Variants in KCNJ1 observed in about 807,000 individuals in gnomAD.
KCNJ1 encodes ATP-sensitive inward rectifier potassium channel 1.
A neutral mutation model predicts 21.9 loss-of-function variants in KCNJ1; 24 were observed. The observed-to-expected ratio is 1.10, with a 90% CI of 0.79 to 1.54. KCNJ1 has a LOEUF of 1.54. KCNJ1 is among the 40% of genes most tolerant of loss of function. The pLI is 0.00. For synonymous variants in KCNJ1, 152 were observed against 160.9 expected (o/e 0.94, Z 0.42); for missense variants, 457 against 455.4 (o/e 1.00, Z -0.03).
intron 1 of KCNJ1, among the ~76,000 whole-genome samples, chr11:128,864,012 TAACTTAAGGTTTGACCTTAAGG>T (rs1204777413): frequency 1.3e-5 from 2 of 151,564 alleles, no homozygotes; most frequent in Non-Finnish European, 2.9e-5. Flanking sequence ...GACCTTAAGG[TAACTTAAGGTTTGACCTTAAGG>T]TTTATTACTG....
rs932116771 is a variant in KCNJ1 at position 128,840,223 on chromosome 11, T to A, written c.21A>T (p.Lys7Asn). The A allele has an allele frequency of 6.2e-7, 1 of 1,614,154 alleles. No homozygotes were observed. Among genetic ancestry groups the A allele is most frequent in the Non-Finnish European group, 8.5e-7 (1 of 1,180,012 alleles). The change falls in exon 3 of 3, where the codon AAA becomes AAT. Residue 7 changes from lysine (K) to asparagine (N), a missense_variant. Transcript: ENST00000392666. ...GCCCAAAAAAGCGAGTGACGACCCATTTCCGAAGATGTTTGAACATACTTT... is the reference window on the plus strand; with the variant it reads ...GCCCAAAAAAGCGAGTGACGACCCAATTCCGAAGATGTTTGAACATACTTT... MFKHLRKWVVTRFFGHS... is the reference protein window; with the variant it reads MFKHLRNWVVTRFFGHS...
intron 1 of KCNJ1, among the ~76,000 whole-genome samples, chr11:128,859,391 C>A (rs1177609470): frequency 6.6e-6 from 1 of 152,098 alleles, no homozygotes; most frequent in Non-Finnish European, 1.5e-5. Context: ...GTAGCTGGGA[C>A]CACAGGCAAG....
chr11:128,859,287 C>A (rs952796209), intron 1 of KCNJ1, among the ~76,000 whole-genome samples: 24 of 152,330 alleles, frequency 1.6e-4, no homozygotes, highest in Middle Eastern at 3.4e-3. Context: ...CAGGGTCTTG[C>A]TCTGTTGCCC....
intron 2 of KCNJ1, chr11:128,842,244 G>A (rs976715499): frequency 1.6e-5 from 16 of 1,031,356 alleles, no homozygotes; most frequent in African/African-American, 4.8e-5. Flanking sequence ...ACTTTTAAAG[G>A]TAAAGAAGAT....
At chr11:128,865,372 A>C (rs1943799179) in intron 1 of KCNJ1, among the ~76,000 whole-genome samples, 1 of 152,142 alleles carries the variant, frequency 6.6e-6, no homozygotes, top group African/African-American at 2.4e-5. Context: ...TGCCCTCTAG[A>C]GCAAAGCATT....
At chr11:128,846,510 T>G (rs1410069642) in intron 2 of KCNJ1, among the ~76,000 whole-genome samples, 1 of 152,154 alleles carries the variant, frequency 6.6e-6, no homozygotes, top group Non-Finnish European at 1.5e-5. Context: ...GTGAGAGTGA[T>G]GAAGGTTCTG....
intron 1 of KCNJ1, among the ~76,000 whole-genome samples, chr11:128,851,922 C>T (rs913244474): frequency 2.6e-5 from 4 of 152,206 alleles, no homozygotes; most frequent in South Asian, 2.1e-4. Flanking sequence ...CAGAGCACCA[C>T]GTGCTTGGGT....
chr11:128,848,302 A>C (rs1943419675), intron 2 of KCNJ1, among the ~76,000 whole-genome samples: 1 of 150,800 alleles, frequency 6.6e-6, no homozygotes, highest in Admixed American at 6.6e-5. Flanking sequence ...AAAAAAAAAA[A>C]AAAAAAAAGT....
intron 1 of KCNJ1, among the ~76,000 whole-genome samples, chr11:128,861,391 C>T (rs1446968475): frequency 2.0e-5 from 3 of 152,154 alleles, no homozygotes; most frequent in Non-Finnish European, 4.4e-5. Flanking sequence ...ACATTTAGAA[C>T]AGAAAGAGAA....
chr11:128,865,038 G>A (rs1258970676), intron 1 of KCNJ1, among the ~76,000 whole-genome samples: 1 of 151,754 alleles, frequency 6.6e-6, no homozygotes, highest in Non-Finnish European at 1.5e-5. Flanking sequence ...CCCCTCCCCT[G>A]GCCACCCACC....
At position 128,838,944 on chromosome 11, in the gene KCNJ1, G is replaced by T. The variant is rs567851543; in HGVS notation, c.*181C>A. On this transcript the variant is annotated 3_prime_UTR_variant, in exon 3 of 3. Coordinates refer to ENST00000392666, the MANE Select transcript of KCNJ1 (RefSeq NM_153766.3). Reference sequence around the variant, plus strand: ...TAAATGCATTGCACGTTCTAATACAGTAGCCTTGTGGAGATGCATGTCTTG... The same window carrying T: ...TAAATGCATTGCACGTTCTAATACATTAGCCTTGTGGAGATGCATGTCTTG... The T allele has an allele frequency of 1.6e-6, 1 of 627,176 alleles. No homozygotes were observed. The highest frequency in any genetic ancestry group is 2.7e-5 in the East Asian group (1 of 36,720). The allele number at this position is 627,176 out of a possible 1,614,324, so 38.9% of individuals were successfully genotyped here.
chr11:128,855,463 G>T (rs918784705), intron 1 of KCNJ1, among the ~76,000 whole-genome samples: 15 of 152,204 alleles, frequency 9.9e-5, no homozygotes, highest in Non-Finnish European at 2.1e-4. Flanking sequence ...AGGGTGTGAG[G>T]TCCAAGCTGT....
intron 2 of KCNJ1, among the ~76,000 whole-genome samples, chr11:128,840,519 G>A (rs918350078): frequency 6.6e-6 from 1 of 152,128 alleles, no homozygotes; most frequent in African/African-American, 2.4e-5. Context: ...CAAACTAAGT[G>A]ATTATATATT....
At chr11:128,858,786 C>T (rs1466942740) in intron 1 of KCNJ1, among the ~76,000 whole-genome samples, 1 of 152,174 alleles carries the variant, frequency 6.6e-6, no homozygotes, top group Non-Finnish European at 1.5e-5. Context: ...AGTGATTGAT[C>T]CAAGTTCACA....
In KCNJ1 at chr11:128,839,743, T is replaced by A. The variant is rs761195699; in HGVS notation, c.501A>T (p.Lys167Asn). 1.9e-6 allele frequency: 3 copies of A among 1,613,874 alleles called. No individual in the cohort carries two copies. The East Asian group carries it at 6.7e-5, about 36-fold the overall frequency. The change falls in exon 3 of 3, where the codon AAA becomes AAT. Residue 167 changes from lysine (K) to asparagine (N), a missense_variant. Physicochemically the swap from Lys to Asn is moderately conservative, Grantham distance 94. Coordinates refer to ENST00000392666, the MANE Select transcript of KCNJ1 (RefSeq NM_153766.3). ...TGAACGTAATGGTCTTGGCACGTTT[T>A]TTGGGCCTGGAGATCTTGGCTAAGA... ...GAILAKISRP[K>N]KRAKTITFSK... is the part of the protein sequence containing the mutation.
intron 1 of KCNJ1, among the ~76,000 whole-genome samples, chr11:128,858,233 C>T (rs774099807): frequency 7.3e-5 from 11 of 151,584 alleles, no homozygotes; most frequent in Non-Finnish European, 1.3e-4. Context: ...CAAGTAAGAG[C>T]AGCTAAGAAT....
At chr11:128,845,432 C>T (rs551903031) in intron 2 of KCNJ1, among the ~76,000 whole-genome samples, 36 of 152,316 alleles carry the variant, frequency 2.4e-4, no homozygotes, top group African/African-American at 8.4e-4. Flanking sequence ...CTAACTGCTG[C>T]TGTGGAGGAC....
intron 1 of KCNJ1, among the ~76,000 whole-genome samples, chr11:128,865,179 CCA>C (rs958974704): frequency 6.6e-4 from 100 of 152,238 alleles, no homozygotes; most frequent in African/African-American, 2.2e-3. Context: ...TCCTGCCCAC[CCA>C]GCGCATTTAG....
chr11:128,859,566 C>T (rs1377282544), intron 1 of KCNJ1, among the ~76,000 whole-genome samples: 1 of 152,238 alleles, frequency 6.6e-6, no homozygotes, highest in African/African-American at 2.4e-5. Flanking sequence ...AGATCTTAAC[C>T]TGATGTCTCC....
Sources: allele counts gnomAD v4.1 joint callset (sites outside exome capture counted in the v4.1 genomes callset), GRCh38; gene constraint gnomAD v4.1.1; transcripts MANE v1.5; gene names NCBI Gene and HGNC (gene_info 2026-07-23, HGNC 2026-07-21).